PTPRT: variants seen among roughly 807,000 people sequenced by gnomAD.
PTPRT encodes protein tyrosine phosphatase receptor type T.
PTPRT carries 56 observed loss-of-function variants against 176.8 expected under a neutral mutation model. The ratio of observed to expected loss-of-function variants is 0.32; its 90% CI spans 0.26 to 0.40. PTPRT has a LOEUF of 0.40. PTPRT is among the 10% of genes least tolerant of loss of function. The pLI is 1.00. For synonymous variants in PTPRT, 783 were observed against 739.0 expected (o/e 1.06, Z -0.96); for missense variants, 1,540 against 1,908.2 (o/e 0.81, Z 3.60).
rs114423505 is a variant in PTPRT at position 42,542,147 on chromosome 20, C to T, written c.1154-69585G>A. On this transcript the variant is annotated intron_variant, in intron 7 of 30. Transcript: ENST00000373187. ...TTCCTCTGCCATGATTGTGAGGTCT[C>T]CCAAGCCATGTGGAACTGTAAGTAA... is the stretch of plus-strand genomic sequence containing the variant. Among the ~76,000 whole-genome samples the T allele has an allele frequency of 2.1e-3, 322 of 151,908 alleles. 2 individuals carry two copies. The highest frequency in any genetic ancestry group is 0.01 in the Middle Eastern group (3 of 294).
At chr20:42,559,267 CA>C (rs1450574875) in intron 7 of PTPRT, among the ~76,000 whole-genome samples, 9 of 152,112 alleles carry the variant, frequency 5.9e-5, no homozygotes, top group Non-Finnish European at 1.2e-4. Flanking sequence ...TGAAAATCTG[CA>C]AACCACCCTG....
intron 16 of PTPRT, among the ~76,000 whole-genome samples, chr20:42,177,991 G>T (rs1329872670): frequency 6.6e-6 from 1 of 151,564 alleles, no homozygotes; most frequent in Admixed American, 6.6e-5. Context: ...AGGCTAGAGT[G>T]CAGTGGCATG....
At chr20:42,237,005 A>C (rs1404426523) in intron 14 of PTPRT, among the ~76,000 whole-genome samples, 1 of 152,132 alleles carries the variant, frequency 6.6e-6, no homozygotes, top group Non-Finnish European at 1.5e-5. Context: ...TCCATAGAAG[A>C]AGCCCAGTTT....
chr20:42,302,355 T>C (rs945708092), intron 12 of PTPRT, among the ~76,000 whole-genome samples: 1 of 152,172 alleles, frequency 6.6e-6, no homozygotes, highest in Non-Finnish European at 1.5e-5. Context: ...TCATTCCATA[T>C]CCCGGAACCA....
intron 7 of PTPRT, among the ~76,000 whole-genome samples, chr20:42,620,821 C>G (rs1187841331): frequency 6.6e-6 from 1 of 152,148 alleles, no homozygotes; most frequent in Non-Finnish European, 1.5e-5. Context: ...CGCGCACCCA[C>G]TGGCCTGCGC....
chr20:42,663,755 C>T (rs6102976), intron 7 of PTPRT, among the ~76,000 whole-genome samples: 51,956 of 151,972 alleles, frequency 0.34, 9,133 homozygotes, highest in Admixed American at 0.38. Flanking sequence ...AAACTTCCTA[C>T]AGCATGAACA....
At chr20:43,113,628 A>T (rs1044937173) in intron 1 of PTPRT, among the ~76,000 whole-genome samples, 1 of 152,216 alleles carries the variant, frequency 6.6e-6, no homozygotes, top group Admixed American at 6.5e-5. Flanking sequence ...TGGGAGGACC[A>T]GAAGCCCTGT....
At chr20:42,308,534 G>A (rs2057579977) in intron 12 of PTPRT, among the ~76,000 whole-genome samples, 1 of 152,150 alleles carries the variant, frequency 6.6e-6, no homozygotes, top group South Asian at 2.1e-4. Flanking sequence ...CCTCAGAAGA[G>A]GAGCCTCTGG....
At chr20:42,306,275 C>A (rs2145333284) in intron 12 of PTPRT, among the ~76,000 whole-genome samples, 1 of 152,254 alleles carries the variant, frequency 6.6e-6, no homozygotes, top group African/African-American at 2.4e-5. Flanking sequence ...GTCTGGGCCC[C>A]AACAGAGCTC....
intron 15 of PTPRT, among the ~76,000 whole-genome samples, chr20:42,225,828 T>G (rs896962475): frequency 6.6e-6 from 1 of 152,112 alleles, no homozygotes; most frequent in Non-Finnish European, 1.5e-5. Context: ...AATTTTTATA[T>G]TTTTAGTAGA....
intron 1 of PTPRT, among the ~76,000 whole-genome samples, chr20:43,188,075 T>G (rs2015440484): frequency 6.6e-6 from 1 of 152,168 alleles, no homozygotes; most frequent in East Asian, 1.9e-4. Flanking sequence ...GTGAGTGGTA[T>G]TAATGTGTGG....
chr20:42,939,451 C>G (rs896117892), intron 1 of PTPRT, among the ~76,000 whole-genome samples: 1 of 152,226 alleles, frequency 6.6e-6, no homozygotes, highest in Non-Finnish European at 1.5e-5. Context: ...GTCTTCCCCC[C>G]TCCTTTTCCT....
intron 7 of PTPRT, among the ~76,000 whole-genome samples, chr20:42,623,847 T>G (rs1985759986): frequency 6.6e-6 from 1 of 151,776 alleles, no homozygotes; most frequent in Non-Finnish European, 1.5e-5. Flanking sequence ...CCATTTGCTC[T>G]GCTAGAATGT....
rs566994830 is a variant in PTPRT at position 42,490,232 on chromosome 20, AT to A, written c.1154-17671del. Among the ~76,000 whole-genome samples, 470 of 152,236 alleles carry A rather than the reference AT, an allele frequency of 3.1e-3. 22 individuals carry two copies. The South Asian group carries it at 0.092, about 30-fold the overall frequency. On this transcript the variant is annotated intron_variant, in intron 7 of 30. Transcript: ENST00000373187. ...GACTACTATGATTTTTCCCCTCTAT[AT>A]ATATTTATTAGAGAAAGTTTATCAA...
At chr20:42,303,426 T>TTATGAGTG (rs2057498948) in intron 12 of PTPRT, among the ~76,000 whole-genome samples, 1 of 152,144 alleles carries the variant, frequency 6.6e-6, no homozygotes, top group Non-Finnish European at 1.5e-5. Flanking sequence ...TTTGGGACCC[T>TTATGAGTG]CCTGGTTCTA....
At chr20:43,079,582 A>C (rs2146285590) in intron 1 of PTPRT, among the ~76,000 whole-genome samples, 1 of 152,340 alleles carries the variant, frequency 6.6e-6, no homozygotes, top group East Asian at 1.9e-4. Context: ...TTCTCCAGGC[A>C]AACTGCATAC....
intron 7 of PTPRT, among the ~76,000 whole-genome samples, chr20:42,577,436 C>G (rs999824883): frequency 1.3e-5 from 2 of 152,228 alleles, no homozygotes; most frequent in East Asian, 3.9e-4. Context: ...GGGACACAGA[C>G]GGAGACCCAG....
chr20:42,215,003 G>A (rs895597602), intron 15 of PTPRT, among the ~76,000 whole-genome samples: 2 of 152,202 alleles, frequency 1.3e-5, no homozygotes, highest in Admixed American at 6.5e-5. Context: ...ATGCTTTGAG[G>A]TAGATACTAA....
At chr20:42,205,809 A>G (rs1011015185) in intron 15 of PTPRT, among the ~76,000 whole-genome samples, 1 of 152,134 alleles carries the variant, frequency 6.6e-6, no homozygotes, top group Admixed American at 6.5e-5. Flanking sequence ...GATCTCAGCC[A>G]TAGGAAGTGG....
Sources: allele counts gnomAD v4.1 joint callset (sites outside exome capture counted in the v4.1 genomes callset), GRCh38; gene constraint gnomAD v4.1.1; transcripts MANE v1.5; gene names NCBI Gene and HGNC (gene_info 2026-07-23, HGNC 2026-07-21).